Variants in FOXP1 observed in about 807,000 individuals in gnomAD.
The protein encoded by FOXP1 is forkhead box P1, also known as forkhead box protein P1.
Under a neutral mutation model 98.2 loss-of-function variants are expected in FOXP1, and 15 were observed. That is an observed-to-expected ratio of 0.15 (90% CI 0.10 to 0.24). The LOEUF (loss-of-function observed/expected upper bound fraction) is 0.24, where lower values mean the gene tolerates loss of function less well. Among genes scored for constraint, FOXP1 ranks in the 10% least tolerant of loss-of-function variants. The pLI is 1.00. For synonymous variants in FOXP1, 371 were observed against 314.5 expected (o/e 1.18, Z -1.90); for missense variants, 633 against 848.5 (o/e 0.75, Z 3.15).
intron 5 of FOXP1, among the ~76,000 whole-genome samples, chr3:71,228,829 A>G (rs2066048111): frequency 6.6e-6 from 1 of 152,238 alleles, no homozygotes; most frequent in African/African-American, 2.4e-5. Context: ...TCTTTATGGT[A>G]CAAAATGGAA....
intron 13 of FOXP1, among the ~76,000 whole-genome samples, chr3:70,994,699 A>G (rs1222998259): frequency 6.6e-6 from 1 of 152,178 alleles, no homozygotes. Context: ...TAAAATCATT[A>G]AAGAATACAA....
chr3:71,365,035 A>G (rs924586780), intron 3 of FOXP1, among the ~76,000 whole-genome samples: 4 of 152,244 alleles, frequency 2.6e-5, no homozygotes, highest in African/African-American at 4.8e-5. Flanking sequence ...TAGAAAAGTA[A>G]TCACATGTAA....
chr3:71,377,457 G>C (rs2079808034), intron 3 of FOXP1, among the ~76,000 whole-genome samples: 1 of 152,140 alleles, frequency 6.6e-6, no homozygotes, highest in Non-Finnish European at 1.5e-5. Flanking sequence ...AATGGCATTT[G>C]ATAAACTATA....
intron 3 of FOXP1, among the ~76,000 whole-genome samples, chr3:71,367,184 A>G (rs1208413006): frequency 6.6e-6 from 1 of 152,180 alleles, no homozygotes; most frequent in Non-Finnish European, 1.5e-5. Flanking sequence ...AGGAGGGAGG[A>G]GACCTCTCCT....
chr3:70,965,202 C>A (rs2034492166), intron 20 of FOXP1, among the ~76,000 whole-genome samples: 1 of 152,164 alleles, frequency 6.6e-6, no homozygotes, highest in African/African-American at 2.4e-5. Context: ...ATAGTTACAC[C>A]AAGTTCTCTC....
At position 71,211,160 on chromosome 3, in the gene FOXP1, C is replaced by T. The variant is rs2064428044; in HGVS notation, c.-11-12768G>A. ...TAAATAATGTGTCTTCTTTCCTCTT[C>T]CCCAGCAGTGGTGTTACACTTGCCC... On this transcript the variant is annotated intron_variant, in intron 5 of 20. Transcript: ENST00000649528. Among the ~76,000 whole-genome samples, 4 of 152,136 alleles carry T rather than the reference C, an allele frequency of 2.6e-5. No individual in the cohort carries two copies. The South Asian group carries it at 8.3e-4, about 32-fold the overall frequency.
At chr3:71,006,593 C>A (rs2042836973) in intron 12 of FOXP1, among the ~76,000 whole-genome samples, 1 of 151,986 alleles carries the variant, frequency 6.6e-6, no homozygotes, top group African/African-American at 2.4e-5. Context: ...TAGACATGGC[C>A]ATAATATGGT....
intron 2 of FOXP1, among the ~76,000 whole-genome samples, chr3:71,554,774 T>C (rs1211630159): frequency 6.6e-6 from 1 of 152,222 alleles, no homozygotes; most frequent in Non-Finnish European, 1.5e-5. Context: ...CTTCACAGGA[T>C]AAAATGTAAA....
intron 3 of FOXP1, among the ~76,000 whole-genome samples, chr3:71,465,288 C>T (rs1449126465): frequency 7.4e-6 from 1 of 134,276 alleles, no homozygotes; most frequent in Non-Finnish European, 1.6e-5. Context: ...GCCTGGGCAA[C>T]AAGAGTGAAA....
rs141457920 is a variant in FOXP1, at chr3:71,413,510, C to T, written c.-167-54266G>A. Among the ~76,000 whole-genome samples the T allele has an allele frequency of 1.8e-3, 273 of 152,236 alleles. 3 individuals are homozygous for T. Among genetic ancestry groups the T allele is most frequent in the African/African-American group, 6.3e-3 (261 of 41,546 alleles). On this transcript the variant is annotated intron_variant, in intron 3 of 20. Transcript: ENST00000649528. The stretch of plus-strand genomic sequence containing the variant: ...TTTTGTCCGTCACTAAACCTCCCCC[C>T]ACCCTGCAAAATTTTATTATAAAAA...
At chr3:71,441,968 T>C (rs2085982888) in intron 3 of FOXP1, among the ~76,000 whole-genome samples, 1 of 152,226 alleles carries the variant, frequency 6.6e-6, no homozygotes, top group Admixed American at 6.5e-5. Context: ...CCTGATGTTA[T>C]TTGCATGAAG....
chr3:71,583,930 C>G (rs1392126662), upstream of FOXP1: 1 of 983,924 alleles, frequency 1.0e-6, no homozygotes, highest in African/African-American at 1.8e-5. Flanking sequence ...ACTCCAGCGG[C>G]CCCCCGAGCG....
At chr3:71,494,839 T>A (rs1271550879) in intron 2 of FOXP1, among the ~76,000 whole-genome samples, 1 of 148,574 alleles carries the variant, frequency 6.7e-6, no homozygotes, top group African/African-American at 2.5e-5. Flanking sequence ...TCTCCAAGCC[T>A]CCAAGCAGCT....
At chr3:71,183,668 C>T (rs975987875) in intron 6 of FOXP1, among the ~76,000 whole-genome samples, 1 of 152,156 alleles carries the variant, frequency 6.6e-6, no homozygotes, top group Non-Finnish European at 1.5e-5. Flanking sequence ...CACAGTCACC[C>T]AACTAGCAAG....
At chr3:71,484,176 C>T (rs957804534) in intron 3 of FOXP1, among the ~76,000 whole-genome samples, 3 of 152,116 alleles carry the variant, frequency 2.0e-5, no homozygotes, top group Non-Finnish European at 2.9e-5. Flanking sequence ...ATTATAACAG[C>T]GTGGAGAGAT....
At chr3:71,046,171 T>C (rs1261416675) in intron 10 of FOXP1, among the ~76,000 whole-genome samples, 2 of 152,184 alleles carry the variant, frequency 1.3e-5, no homozygotes, top group Non-Finnish European at 2.9e-5. Flanking sequence ...ACATTACATA[T>C]GTGAAAGTCA....
At chr3:71,146,823 G>A (rs1170004246) in intron 6 of FOXP1, among the ~76,000 whole-genome samples, 3 of 152,244 alleles carry the variant, frequency 2.0e-5, no homozygotes, top group Non-Finnish European at 4.4e-5. Flanking sequence ...GGAAGACAAA[G>A]TGCAAGGAAA....
chr3:71,038,474 TGACAAGA>T (rs2047906990), intron 11 of FOXP1, among the ~76,000 whole-genome samples: 1 of 152,164 alleles, frequency 6.6e-6, no homozygotes, highest in African/African-American at 2.4e-5. Flanking sequence ...TCCAAGGCAG[TGACAAGA>T]GACTCCTGAG....
At chr3:71,523,532 T>C (rs1049076560) in intron 2 of FOXP1, among the ~76,000 whole-genome samples, 3 of 152,194 alleles carry the variant, frequency 2.0e-5, no homozygotes, top group Non-Finnish European at 4.4e-5. Flanking sequence ...GAATAATACA[T>C]TCAAAACAGT....
Sources: allele counts gnomAD v4.1 joint callset (sites outside exome capture counted in the v4.1 genomes callset), GRCh38; gene constraint gnomAD v4.1.1; transcripts MANE v1.5; gene names NCBI Gene and HGNC (gene_info 2026-07-23, HGNC 2026-07-21).